The following DLC1 variants were observed in gnomAD, a reference collection of about 807,000 sequenced individuals.
The protein encoded by DLC1 is DLC1 Rho GTPase activating protein.
DLC1 carries 54 observed loss-of-function variants against 140.3 expected under a neutral mutation model. That is an observed-to-expected ratio of 0.38 (90% confidence interval 0.31 to 0.48). DLC1 has a LOEUF of 0.48. DLC1 is among the 20% of genes least tolerant of loss of function. The probability of loss-of-function intolerance (pLI) is 0.96; values close to 1 mark genes in which losing one functional copy is unlikely to be tolerated. For missense variants in DLC1, 2,536 were observed against 1,907.0 expected (o/e 1.33, Z -6.14); for synonymous variants, 986 against 728.1 (o/e 1.35, Z -5.70).
intron 2 of DLC1, among the ~76,000 whole-genome samples, chr8:13,458,254 T>A (rs1799502182): frequency 6.6e-6 from 1 of 152,202 alleles, no homozygotes; most frequent in Non-Finnish European, 1.5e-5. Context: ...TGTGTAACTT[T>A]GATGGAGCAA....
intron 5 of DLC1, among the ~76,000 whole-genome samples, chr8:13,137,591 G>T (rs553482329): frequency 7.7e-6 from 1 of 129,726 alleles, no homozygotes; most frequent in Non-Finnish European, 1.6e-5. Context: ...TTGGACATCA[G>T]TTTTTGGTTT....
intron 2 of DLC1, among the ~76,000 whole-genome samples, chr8:13,417,896 T>A (rs921659206): frequency 1.3e-5 from 2 of 152,184 alleles, no homozygotes; most frequent in Admixed American, 6.5e-5. Context: ...TTTTAATGAT[T>A]GCCGTCATTC....
intron 1 of DLC1, among the ~76,000 whole-genome samples, chr8:13,513,464 T>A (rs1235659361): frequency 6.6e-6 from 1 of 152,110 alleles, no homozygotes; most frequent in East Asian, 1.9e-4. Context: ...TTGTACTATA[T>A]AAAAACTTAT....
chr8:13,192,393 C>T (rs755186580), intron 5 of DLC1, among the ~76,000 whole-genome samples: 11 of 152,110 alleles, frequency 7.2e-5, no homozygotes, highest in Non-Finnish European at 1.2e-4. Flanking sequence ...TGACTTAGAA[C>T]GAGAAAAGAA....
chr8:13,122,383 T>C (rs1421704425), intron 5 of DLC1, among the ~76,000 whole-genome samples: 2 of 152,156 alleles, frequency 1.3e-5, no homozygotes, highest in African/African-American at 2.4e-5. Context: ...CTCAAATGAA[T>C]TACCCCTTCT....
chr8:13,577,665 A>C (rs1047353895), intron 1 of DLC1, among the ~76,000 whole-genome samples: 1 of 152,190 alleles, frequency 6.6e-6, no homozygotes, highest in Non-Finnish European at 1.5e-5. Flanking sequence ...TATACGAATA[A>C]ATTTTTCATT....
At position 13,473,190 on chromosome 8, in the gene DLC1, G is replaced by T. The variant is rs77042093; in HGVS notation, c.1023+25859C>A. Among the ~76,000 whole-genome samples, 634 of 152,270 alleles carry T rather than the reference G, an allele frequency of 4.2e-3. 6 individuals carry two copies. In the South Asian group the frequency reaches 0.048, roughly 12 times the overall value. On this transcript the variant is annotated intron_variant, in intron 2 of 17. Coordinates refer to ENST00000276297, the MANE Select transcript of DLC1 (RefSeq NM_182643.3). ...ATGGAAACAGGAAGACAGGTTTTCA[G>T]TAGAGAATTCTTGAAGTCCTTCTTT...
intron 1 of DLC1, among the ~76,000 whole-genome samples, chr8:13,528,062 T>C (rs1000524758): frequency 6.6e-6 from 1 of 152,168 alleles, no homozygotes; most frequent in Non-Finnish European, 1.5e-5. Context: ...AAAATCATTA[T>C]TGTTAGATAA....
chr8:13,350,899 C>T (rs1231860238), intron 4 of DLC1, among the ~76,000 whole-genome samples: 2 of 152,040 alleles, frequency 1.3e-5, no homozygotes, highest in African/African-American at 2.4e-5. Flanking sequence ...CTTTTGAGAT[C>T]TTGTTTTGAA....
intron 5 of DLC1, among the ~76,000 whole-genome samples, chr8:13,240,347 C>T (rs140576158): frequency 1.7e-3 from 260 of 152,326 alleles, no homozygotes; most frequent in African/African-American, 6.2e-3. Flanking sequence ...TCATCTGCCT[C>T]AAATGTCTTC....
At chr8:13,598,816 C>T (rs989460943) in intron 1 of DLC1, among the ~76,000 whole-genome samples, 1 of 151,970 alleles carries the variant, frequency 6.6e-6, no homozygotes, top group Non-Finnish European at 1.5e-5. Context: ...AACTCTGCCT[C>T]ATTCCATGAA....
intron 5 of DLC1, among the ~76,000 whole-genome samples, chr8:13,123,363 G>A (rs12542029): frequency 0.13 from 20,330 of 150,732 alleles, 1,522 homozygotes; most frequent in Middle Eastern, 0.21. Flanking sequence ...TTGTTGACAA[G>A]GAGTCTCAAC....
chr8:13,416,975 G>C (rs1838095593), intron 2 of DLC1, among the ~76,000 whole-genome samples: 1 of 152,000 alleles, frequency 6.6e-6, no homozygotes, highest in Non-Finnish European at 1.5e-5. Context: ...GTATTGTGCT[G>C]GTAAGGAATA....
intron 15 of DLC1, 50 bp downstream of exon 15, chr8:13,090,202 C>A (rs767862000): frequency 1.3e-5 from 21 of 1,561,352 alleles, no homozygotes; most frequent in Non-Finnish European, 1.8e-5. Context: ...CTGATGGACC[C>A]AAGCTTCGAC....
intron 1 of DLC1, among the ~76,000 whole-genome samples, chr8:13,505,299 G>A (rs1802005462): frequency 1.3e-5 from 2 of 151,910 alleles, no homozygotes. Flanking sequence ...ATAATTTAAG[G>A]GAGATAGTCA....
intron 1 of DLC1, chr8:13,568,248 G>T: frequency 3.8e-6 from 1 of 260,814 alleles, no homozygotes; most frequent in Non-Finnish European, 7.7e-6. Context: ...GCGATCAAAT[G>T]GCTATGGGGA....
At chr8:13,339,047 A>C (rs1442712396) in intron 4 of DLC1, among the ~76,000 whole-genome samples, 1 of 152,168 alleles carries the variant, frequency 6.6e-6, no homozygotes, top group Non-Finnish European at 1.5e-5. Flanking sequence ...AGGAAAGGTA[A>C]TTTCTATGAA....
chr8:13,319,724 C>T (rs1207587546), intron 4 of DLC1, among the ~76,000 whole-genome samples: 1 of 151,810 alleles, frequency 6.6e-6, no homozygotes, highest in Non-Finnish European at 1.5e-5. Context: ...TATAAATTAC[C>T]CAGTATCGGG....
intron 12 of DLC1, 105 bp from the exon 13 acceptor site, chr8:13,092,930 T>G: frequency 7.9e-7 from 1 of 1,259,050 alleles, no homozygotes; most frequent in Non-Finnish European, 1.1e-6. Context: ...AGCCCAGTAC[T>G]GAACAAGCAC....
Sources: allele counts gnomAD v4.1 joint callset (sites outside exome capture counted in the v4.1 genomes callset), GRCh38; gene constraint gnomAD v4.1.1; transcripts MANE v1.5; gene names NCBI Gene and HGNC (gene_info 2026-07-23, HGNC 2026-07-21).